The following SEPTIN10 variants were observed in gnomAD, a reference collection of about 807,000 sequenced individuals.
The protein encoded by SEPTIN10 is septin-10.
A neutral mutation model predicts 54.8 loss-of-function variants in SEPTIN10; 66 were observed. That is an observed-to-expected ratio of 1.21 (90% CI 0.99 to 1.48). The LOEUF is 1.48. Ranked by LOEUF, SEPTIN10 falls within the 40% of genes most tolerant of loss-of-function variation. The probability of loss-of-function intolerance (pLI) is 0.00; values close to 1 mark genes in which losing one functional copy is unlikely to be tolerated. For missense variants in SEPTIN10, 620 were observed against 545.6 expected (o/e 1.14, Z -1.36); for synonymous variants, 161 against 181.0 (o/e 0.89, Z 0.89).
chr2:109,575,256 C>G (rs760905022), intron 4 of SEPTIN10, among the ~76,000 whole-genome samples: 1 of 152,176 alleles, frequency 6.6e-6, no homozygotes, highest in Non-Finnish European at 1.5e-5. Flanking sequence ...TTACTGGTAC[C>G]TGGCTTATTA....
At chr2:109,551,506 C>A (rs902022365) in intron 9 of SEPTIN10, among the ~76,000 whole-genome samples, 1 of 152,074 alleles carries the variant, frequency 6.6e-6, no homozygotes, top group Non-Finnish European at 1.5e-5. Flanking sequence ...TAAAAAGGAA[C>A]GATTTTGAAA....
At chr2:109,594,805 A>C (rs1694954610) in intron 1 of SEPTIN10, 1 of 152,220 alleles carries the variant, frequency 6.6e-6, no homozygotes, top group Admixed American at 6.5e-5. Context: ...ATCGTGACTA[A>C]ATTTCATATA....
intron 8 of SEPTIN10, among the ~76,000 whole-genome samples, chr2:109,560,583 T>C (rs577414032): frequency 2.2e-4 from 34 of 152,302 alleles, no homozygotes; most frequent in African/African-American, 6.5e-4. Context: ...CTTTGGCCCA[T>C]TGCTTTTCTG....
At chr2:109,603,558 G>A (rs1414359981) in intron 1 of SEPTIN10, among the ~76,000 whole-genome samples, 1 of 152,076 alleles carries the variant, frequency 6.6e-6, no homozygotes, top group Non-Finnish European at 1.5e-5. Flanking sequence ...TATTTTTAAA[G>A]CCTTACATTT....
chr2:109,611,319 G>A (rs1046162916), intron 1 of SEPTIN10, among the ~76,000 whole-genome samples: 3 of 152,044 alleles, frequency 2.0e-5, no homozygotes, highest in African/African-American at 4.8e-5. Flanking sequence ...TCCATAAAAG[G>A]AAATAATGAT....
chr2:109,608,976 G>A (rs769150180), intron 1 of SEPTIN10, among the ~76,000 whole-genome samples: 1 of 152,114 alleles, frequency 6.6e-6, no homozygotes, highest in Non-Finnish European at 1.5e-5. Context: ...TTGAAGAGAG[G>A]GACTCTATCC....
At chr2:109,606,127 G>A (rs6723295) in intron 1 of SEPTIN10, among the ~76,000 whole-genome samples, 69,205 of 152,098 alleles carry the variant, frequency 0.46, 16,183 homozygotes, top group African/African-American at 0.56. Context: ...ATAAAATGTG[G>A]TAACACAGGC....
intron 10 of SEPTIN10, chr2:109,545,812 GTTCA>G: frequency 2.1e-6 from 3 of 1,424,176 alleles, no homozygotes; most frequent in Non-Finnish European, 2.7e-6. Flanking sequence ...TTTTTATTTT[GTTCA>G]TTCATTCATT....
chr2:109,577,912 C>CAAA (rs745439822), intron 4 of SEPTIN10, among the ~76,000 whole-genome samples: 37 of 92,244 alleles, frequency 4.0e-4, no homozygotes, highest in African/African-American at 1.2e-3. Context: ...GACTTTGTCT[C>CAAA]AAAAAAAAAA....
chr2:109,553,230 A>C lies in SEPTIN10; in HGVS notation c.1029-11T>G. 3.7e-6 allele frequency: 6 copies of C among 1,613,042 alleles called. No homozygotes were observed. The highest frequency in any genetic ancestry group is 5.1e-6 in the Non-Finnish European group (6 of 1,179,768). On this transcript the variant is annotated splice_polypyrimidine_tract_variant and intron_variant, in intron 8 of 10. Transcript: ENST00000397712. ...TAGGTCTCTTGAACACTAAAAAGTT[A>C]TTTGTGTTACTCTCCTGCTAAAAAG...
chr2:109,560,199 C>T (rs1685341708), intron 8 of SEPTIN10, among the ~76,000 whole-genome samples: 1 of 152,150 alleles, frequency 6.6e-6, no homozygotes, highest in Non-Finnish European at 1.5e-5. Flanking sequence ...GGATTACAGG[C>T]GTGAGCCACC....
At chr2:109,565,989 C>T in intron 6 of SEPTIN10, 130 bp from the exon 7 acceptor site, 1 of 810,142 alleles carries the variant, frequency 1.2e-6, no homozygotes, top group Non-Finnish European at 2.0e-6. Flanking sequence ...AGCTATGCCT[C>T]AGATTTTAAA....
intron 2 of SEPTIN10, among the ~76,000 whole-genome samples, chr2:109,589,106 T>TTTTG (rs910047204): frequency 2.7e-5 from 4 of 150,696 alleles, no homozygotes; most frequent in Admixed American, 6.6e-5. Context: ...TTTGTGGTTT[T>TTTTG]TTTGTTTGTT....
At chr2:109,546,718 T>C (rs1261917289) in intron 9 of SEPTIN10, among the ~76,000 whole-genome samples, 1 of 152,182 alleles carries the variant, frequency 6.6e-6, no homozygotes, top group Non-Finnish European at 1.5e-5. Context: ...TTGTCAACTA[T>C]GTCAAGAATG....
chr2:109,548,141 G>A (rs371544040), intron 9 of SEPTIN10, among the ~76,000 whole-genome samples: 1 of 138,860 alleles, frequency 7.2e-6, no homozygotes, highest in South Asian at 2.4e-4. Context: ...GGTCCAAGGA[G>A]AATGTAGGTG....
chr2:109,589,105 T>G (rs1209260892), intron 2 of SEPTIN10, among the ~76,000 whole-genome samples: 1 of 150,342 alleles, frequency 6.7e-6, no homozygotes, highest in African/African-American at 2.5e-5. Context: ...TTTTGTGGTT[T>G]TTTTGTTTGT....
intron 4 of SEPTIN10, 117 bp downstream of exon 4, chr2:109,585,009 T>C (rs540305525): frequency 2.1e-6 from 1 of 468,382 alleles, no homozygotes; most frequent in Non-Finnish European, 3.7e-6. Flanking sequence ...TAAAACAATG[T>C]GTGGAAGGAA....
rs1223164709 is a variant in SEPTIN10 at position 109,593,121 on chromosome 2, T to TA, written c.31-3dup. ...CGTTGCCATGTGAGACTGAAAGAGC[T>TA]AAAAAAGGAATACAAAGGCTTAAAA... On this transcript the variant is annotated splice_polypyrimidine_tract_variant and splice_region_variant and intron_variant, in intron 1 of 10. Coordinates refer to ENST00000397712, the MANE Select transcript of SEPTIN10 (RefSeq NM_144710.5). 1.9e-6 allele frequency: 3 copies of TA among 1,590,772 alleles called. No homozygotes were observed. Among genetic ancestry groups the TA allele is most frequent in the East Asian group, 2.3e-5 (1 of 44,138 alleles).
Position 109,564,514 on chromosome 2 carries a change from C to T in SEPTIN10, c.880G>A (p.Asp294Asn), listed in dbSNP as rs367925645. Residue 294 changes from aspartate to asparagine, a missense_variant, in exon 8 of 11, where the codon GAC becomes AAC. Physicochemically the swap from Asp to Asn is conservative, Grantham distance 23. Transcript: ENST00000397712. ...VVQVENENHC[D>N]FVKLREMLIC... is the part of the protein sequence containing the mutation. ...AGCATTTCCCGCAGCTTTACAAAGTCACAGTGGTTTTCATTTTCCACTAGC... is the reference window on the plus strand; with the variant it reads ...AGCATTTCCCGCAGCTTTACAAAGTTACAGTGGTTTTCATTTTCCACTAGC... 5.2e-5 allele frequency: 79 copies of T among 1,524,474 alleles called. No individual in the cohort carries two copies. Among genetic ancestry groups the T allele is most frequent in the Non-Finnish European group, 6.9e-5 (78 of 1,129,074 alleles). 94.4% of individuals were successfully genotyped at this position (1,524,474 alleles called of 1,614,324 possible).
Sources: allele counts gnomAD v4.1 joint callset (sites outside exome capture counted in the v4.1 genomes callset), GRCh38; gene constraint gnomAD v4.1.1; transcripts MANE v1.5; gene names NCBI Gene and HGNC (gene_info 2026-07-23, HGNC 2026-07-21).